Variants in SAXO1 observed in about 807,000 individuals in gnomAD.
SAXO1 encodes 4930500O09Rik.
In SAXO1, 21 loss-of-function variants were observed where a neutral mutation model predicts 17.5. The ratio of observed to expected loss-of-function variants is 1.20; its 90% CI spans 0.85 to 1.72. SAXO1 has a LOEUF of 1.72. Among genes scored for constraint, SAXO1 ranks in the 40% most tolerant of loss-of-function variants. The pLI is 0.00. For missense variants in SAXO1, 843 were observed against 596.0 expected (o/e 1.41, Z -4.32); for synonymous variants, 274 against 216.5 (o/e 1.27, Z -2.33).
At chr9:18,957,049 GTAATTCTCTT>G (rs1377917272) in intron 1 of SAXO1, among the ~76,000 whole-genome samples, 1 of 152,192 alleles carries the variant, frequency 6.6e-6, no homozygotes, top group East Asian at 1.9e-4. Context: ...CCTGTACCAA[GTAATTCTCTT>G]TTCTGGCTGC....
At chr9:18,993,180 G>A (rs1283167130) in intron 1 of SAXO1, among the ~76,000 whole-genome samples, 1 of 151,672 alleles carries the variant, frequency 6.6e-6, no homozygotes, top group Non-Finnish European at 1.5e-5. Flanking sequence ...GTATACACGT[G>A]TCATGGTGGT....
rs371779820 is a variant in SAXO1, at chr9:18,928,373, C to T, written c.1104G>A (p.Leu368=). The T allele has an allele frequency of 1.3e-5, 21 of 1,612,556 alleles. No homozygotes were observed. Among genetic ancestry groups the T allele is most frequent in the Non-Finnish European group, 1.8e-5 (21 of 1,179,408 alleles). ...VPQLDLPTEP[L]DCLTTTRAHY... ...GGGCCCGAGTGGTGGTCAGGCAGTC[C>T]AGGGGCTCGGTGGGCAAGTCCAGCT... Residue 368 remains leucine, a synonymous_variant, in exon 4 of 4, where the codon CTG becomes CTA. Coordinates refer to ENST00000380534, the MANE Select transcript of SAXO1 (RefSeq NM_153707.4).
chr9:19,033,378 G>A (rs7036118), upstream of SAXO1: 75,336 of 159,144 alleles, frequency 0.47, 19,509 homozygotes, highest in African/African-American at 0.7. Context: ...GGTGAACCTT[G>A]GAAAAACCTG....
At chr9:19,005,992 T>C (rs1160299507) in intron 1 of SAXO1, among the ~76,000 whole-genome samples, 1 of 152,114 alleles carries the variant, frequency 6.6e-6, no homozygotes, top group Non-Finnish European at 1.5e-5. Flanking sequence ...CCAAAGGAGA[T>C]ATACAAACGG....
chr9:18,977,143 C>T (rs780588734), intron 1 of SAXO1, among the ~76,000 whole-genome samples: 64 of 152,214 alleles, frequency 4.2e-4, no homozygotes, highest in Non-Finnish European at 8.4e-4. Context: ...TATAAACTGG[C>T]ATGAGACAGT....
chr9:19,019,270 T>G (rs1835124718), intron 1 of SAXO1, among the ~76,000 whole-genome samples: 1 of 152,168 alleles, frequency 6.6e-6, no homozygotes, highest in African/African-American at 2.4e-5. Flanking sequence ...TGCTGAGACA[T>G]TAATGACAAA....
intron 1 of SAXO1, among the ~76,000 whole-genome samples, chr9:19,039,873 C>T (rs762435694): frequency 3.3e-5 from 5 of 152,088 alleles, no homozygotes; most frequent in Non-Finnish European, 5.9e-5. Flanking sequence ...GGATTACAGG[C>T]GCCTGCCACC....
intron 3 of SAXO1, among the ~76,000 whole-genome samples, chr9:18,932,389 T>C (rs1475450527): frequency 6.6e-6 from 1 of 152,276 alleles, no homozygotes; most frequent in Non-Finnish European, 1.5e-5. Flanking sequence ...TTGGTCATTA[T>C]ACTTGTCTTT....
At position 18,927,817 on chromosome 9, in the gene SAXO1, A is replaced by C. The variant is rs1349252378; in HGVS notation, c.*235T>G. The C allele has an allele frequency of 8.9e-6, 4 of 449,920 alleles. No homozygotes were observed. Among genetic ancestry groups the C allele is most frequent in the African/African-American group, 7.9e-5 (4 of 50,554 alleles). The allele number at this position is 449,920 out of a possible 1,614,324, so 27.9% of individuals were successfully genotyped here. On this transcript the variant is annotated 3_prime_UTR_variant, in exon 4 of 4. Transcript: ENST00000380534. ...CCATAAGCACAAAGTAAAGGACCTG[A>C]AACGGGGTGGGGATGCAGTAAAGGA...
At chr9:18,985,138 C>T (rs1323410256) in intron 1 of SAXO1, among the ~76,000 whole-genome samples, 3 of 151,748 alleles carry the variant, frequency 2.0e-5, no homozygotes, top group African/African-American at 4.9e-5. Flanking sequence ...GAGAGAGATG[C>T]GAGAATGGCC....
At chr9:18,970,620 G>C (rs900880492) in intron 1 of SAXO1, among the ~76,000 whole-genome samples, 4 of 152,186 alleles carry the variant, frequency 2.6e-5, no homozygotes, top group African/African-American at 9.7e-5. Flanking sequence ...CCCTAGAGTT[G>C]TGCTTTGAGT....
At chr9:19,015,757 A>G (rs1834950162) in intron 1 of SAXO1, among the ~76,000 whole-genome samples, 1 of 151,708 alleles carries the variant, frequency 6.6e-6, no homozygotes, top group African/African-American at 2.4e-5. Context: ...GGGATTACAG[A>G]TATGAGCCAT....
At chr9:19,029,171 A>T (rs758728720) in intron 1 of SAXO1, among the ~76,000 whole-genome samples, 1 of 152,196 alleles carries the variant, frequency 6.6e-6, no homozygotes, top group Non-Finnish European at 1.5e-5. Flanking sequence ...TCCAGAGCCC[A>T]CTCGCCAACA....
At chr9:18,992,621 C>G (rs571107667) in intron 1 of SAXO1, among the ~76,000 whole-genome samples, 1 of 152,264 alleles carries the variant, frequency 6.6e-6, no homozygotes, top group Admixed American at 6.5e-5. Flanking sequence ...CACTACTCTC[C>G]AAACCTGGCA....
Position 18,928,120 on chromosome 9 carries a change from G to C in SAXO1, c.1357C>G (p.Gln453Glu), listed in dbSNP as rs186047443. The change falls in exon 4 of 4, where the codon CAG becomes GAG. Residue 453 changes from glutamine (Q) to glutamate (E), a missense_variant. Gln to Glu is a conservative substitution (Grantham distance 29). Coordinates refer to ENST00000380534, the MANE Select transcript of SAXO1 (RefSeq NM_153707.4). ...TCATCTACAGAAAGATGGCTGCTCT[G>C]CTGAGAGCCTGCCTGGGAAACTGGT... ...YKPVSQAGSQQSSHLSVDDSE... is the reference protein window; with the variant it reads ...YKPVSQAGSQESSHLSVDDSE... The C allele has an allele frequency of 6.2e-7, 1 of 1,614,162 alleles. No individual in the cohort carries two copies.
At chr9:18,984,352 C>T (rs538597853) in intron 1 of SAXO1, among the ~76,000 whole-genome samples, 1 of 152,304 alleles carries the variant, frequency 6.6e-6, no homozygotes, top group Non-Finnish European at 1.5e-5. Flanking sequence ...AACTTTGAAG[C>T]CAGGCATTGA....
chr9:18,987,746 A>G (rs1180784079), intron 1 of SAXO1, among the ~76,000 whole-genome samples: 3 of 151,988 alleles, frequency 2.0e-5, no homozygotes, highest in Non-Finnish European at 4.4e-5. Flanking sequence ...AAAAAAAAAT[A>G]ATTAGCTAGG....
At chr9:18,989,064 A>G (rs1833702704) in intron 1 of SAXO1, among the ~76,000 whole-genome samples, 1 of 152,188 alleles carries the variant, frequency 6.6e-6, no homozygotes, top group Non-Finnish European at 1.5e-5. Context: ...AAAAACAGCT[A>G]TAGAATGAGT....
chr9:18,986,601 T>C (rs1029401944), intron 1 of SAXO1, among the ~76,000 whole-genome samples: 1 of 126,968 alleles, frequency 7.9e-6, no homozygotes, highest in East Asian at 2.3e-4. Context: ...AGGAGTCTTC[T>C]CCAAAGGAGA....
Sources: gnomAD v4.1 joint callset for allele counts (sites outside exome capture counted in the v4.1 genomes callset) on GRCh38, gnomAD v4.1.1 for gene constraint, MANE v1.5 for transcripts, NCBI Gene and HGNC (gene_info 2026-07-23, HGNC 2026-07-21) for gene names.